SLC25A48: variants seen among roughly 807,000 people sequenced by gnomAD.
SLC25A48 encodes the protein CTC-321K16.1.
In SLC25A48, 29 loss-of-function variants were observed where a neutral mutation model predicts 32.2. The ratio of observed to expected loss-of-function variants is 0.90; its 90% confidence interval spans 0.67 to 1.23. The LOEUF (loss-of-function observed/expected upper bound fraction) is 1.23, where lower values mean the gene tolerates loss of function less well. SLC25A48 is among the 50% of genes most tolerant of loss of function. The probability of loss-of-function intolerance (pLI) is 0.00; values close to 1 mark genes in which losing one functional copy is unlikely to be tolerated. For synonymous variants in SLC25A48, 164 were observed against 172.3 expected, an observed-to-expected ratio of 0.95 and a Z score of 0.38; for missense variants, 399 against 422.7, an observed-to-expected ratio of 0.94 and a Z score of 0.49.
At chr5:135,604,436 G>A (rs1365211660) in intron 1 of SLC25A48, among the ~76,000 whole-genome samples, 1 of 152,160 alleles carries the variant, frequency 6.6e-6, no homozygotes, top group African/African-American at 2.4e-5. Flanking sequence ...TTTCCTGAAA[G>A]AATAAGTGGA....
rs1303213768 is a variant in SLC25A48, at chr5:135,871,525, G to A, written c.486G>A (p.Val162=). The part of the protein sequence containing the change: ...PAEQPAYQGP[V]HCITTIVRNE... ...AGCAGCCAGCATACCAGGGGCCAGT[G>A]CACTGCATTACAACCATTGTGAGGA... The change falls in exon 5 of 8, where the codon GTG becomes GTA. Residue 162 remains valine (V), a synonymous_variant. Transcript: ENST00000681962. 1.9e-6 allele frequency: 3 copies of A among 1,613,526 alleles called. No individual in the cohort carries two copies. The highest frequency in any genetic ancestry group is 2.5e-6 in the Non-Finnish European group (3 of 1,179,528).
chr5:135,874,219 G>A (rs1761878455), intron 6 of SLC25A48, 65 bp downstream of exon 6: 3 of 1,392,506 alleles, frequency 2.2e-6, no homozygotes, highest in Non-Finnish European at 2.8e-6. Context: ...ACATTTAGGG[G>A]GATGTGGGAC....
chr5:135,850,116 A>G (rs757918452), intron 2 of SLC25A48, among the ~76,000 whole-genome samples: 1 of 152,208 alleles, frequency 6.6e-6, no homozygotes, highest in Non-Finnish European at 1.5e-5. Flanking sequence ...GACAGACAGC[A>G]GATAGGGTAG....
intron 6 of SLC25A48, among the ~76,000 whole-genome samples, chr5:135,879,668 G>A (rs1762317063): frequency 1.3e-5 from 2 of 151,862 alleles, no homozygotes; most frequent in Admixed American, 6.6e-5. Flanking sequence ...AAGAAAGAGA[G>A]GGAGAGAGAG....
At chr5:135,829,473 G>A (rs775446220) in intron 4 of SLC25A48, among the ~76,000 whole-genome samples, 4 of 152,242 alleles carry the variant, frequency 2.6e-5, no homozygotes, top group Non-Finnish European at 4.4e-5. Context: ...ATATCGCCGC[G>A]GCCCAGAATT....
intron 7 of SLC25A48, 96 bp downstream of exon 7, chr5:135,880,193 C>A: frequency 6.9e-7 from 1 of 1,448,100 alleles, no homozygotes; most frequent in South Asian, 1.4e-5. Context: ...CTGAAATGTC[C>A]TGTTGTTTGT....
chr5:135,697,438 G>T (rs1318078555), intron 3 of SLC25A48, among the ~76,000 whole-genome samples: 1 of 152,214 alleles, frequency 6.6e-6, no homozygotes, highest in Non-Finnish European at 1.5e-5. Context: ...GTCAAGGGCT[G>T]TCTGAGAGCC....
chr5:135,779,676 C>G (rs1298442845), intron 3 of SLC25A48, among the ~76,000 whole-genome samples: 1 of 117,326 alleles, frequency 8.5e-6, no homozygotes, highest in Non-Finnish European at 2.1e-5. Flanking sequence ...GGATGTACAA[C>G]CACCCGGTAA....
At chr5:135,633,806 C>A (rs527447533) in intron 2 of SLC25A48, among the ~76,000 whole-genome samples, 11 of 152,148 alleles carry the variant, frequency 7.2e-5, no homozygotes, top group Non-Finnish European at 1.3e-4. Flanking sequence ...TTCCTTTCCT[C>A]TTCTTGCATC....
At chr5:135,796,843 T>C (rs964252798) in intron 3 of SLC25A48, among the ~76,000 whole-genome samples, 2 of 151,732 alleles carry the variant, frequency 1.3e-5, no homozygotes, top group Non-Finnish European at 2.9e-5. Context: ...ACCACTGTGA[T>C]ACTGTTCCTA....
chr5:135,662,696 C>T (rs1753432028), intron 3 of SLC25A48, among the ~76,000 whole-genome samples: 1 of 68,970 alleles, frequency 1.4e-5, no homozygotes, highest in Admixed American at 1.2e-4. Flanking sequence ...TTTGACCTGC[C>T]TCTCCCCCTC....
At chr5:135,799,914 GT>G (rs1554076052) in intron 3 of SLC25A48, among the ~76,000 whole-genome samples, 1 of 151,716 alleles carries the variant, frequency 6.6e-6, no homozygotes, top group Non-Finnish European at 1.5e-5. Context: ...ATCTCAGGGA[GT>G]TTACACTGCC....
intron 3 of SLC25A48, among the ~76,000 whole-genome samples, chr5:135,675,437 T>C (rs866449082): frequency 2.0e-5 from 3 of 152,018 alleles, no homozygotes; most frequent in Middle Eastern, 6.8e-3. Flanking sequence ...CCAATCTTCC[T>C]AGCATCATTT....
Position 135,629,230 on chromosome 5 carries a change from T to A in SLC25A48, c.-848-7T>A, listed in dbSNP as rs924015528. 7 of 152,196 alleles carry A rather than the reference T, an allele frequency of 4.6e-5. No individual in the cohort carries two copies. Among genetic ancestry groups the A allele is most frequent in the Non-Finnish European group, 8.8e-5 (6 of 68,030 alleles). The allele number at this position is 152,196 out of a possible 1,614,324, so 9.4% of individuals were successfully genotyped here. ...TAGCCTTTTTCTTTTTTCTTTTTCT[T>A]TTTTAGCAGCCCAGCTTAAAGAAAG... is the stretch of plus-strand genomic sequence containing the variant. On this transcript the variant is annotated splice_region_variant and splice_polypyrimidine_tract_variant and intron_variant, in intron 1 of 10. Transcript: ENST00000646290. This position sits in a 1 kb window ranked among gnomAD's most constrained non-coding sequence, Gnocchi z 4.8.
chr5:135,581,419 CA>C (rs1332175150), intron 1 of SLC25A48, among the ~76,000 whole-genome samples: 1 of 152,220 alleles, frequency 6.6e-6, no homozygotes, highest in Admixed American at 6.5e-5. Context: ...TAAGACTTTT[CA>C]TAGAAATTGC....
intron 4 of SLC25A48, among the ~76,000 whole-genome samples, chr5:135,863,095 G>A (rs1269805436): frequency 6.6e-6 from 1 of 152,126 alleles, no homozygotes; most frequent in African/African-American, 2.4e-5. Flanking sequence ...CAGATGCAGA[G>A]GCCCTGATGA....
At chr5:135,607,484 G>T (rs187269926) in intron 1 of SLC25A48, among the ~76,000 whole-genome samples, 2 of 152,184 alleles carry the variant, frequency 1.3e-5, no homozygotes, top group East Asian at 1.9e-4. Flanking sequence ...GTATAACAGC[G>T]AGGAAGACCG....
In SLC25A48 at chr5:135,654,105, A is replaced by C. The variant is rs538944425; in HGVS notation, c.-521+19149A>C. Among the ~76,000 whole-genome samples the C allele has an allele frequency of 5.9e-5, 9 of 152,340 alleles. No individual in the cohort carries two copies. The South Asian group carries it at 1.9e-3, about 32-fold the overall frequency. The stretch of plus-strand genomic sequence containing the variant: ...GACATTTTCAGCAGGAGAGACAAAA[A>C]TGGGCAACCGTCTAGGGAAAAGGAG... On this transcript the variant is annotated intron_variant, in intron 3 of 10. Transcript: ENST00000646290.
At chr5:135,682,568 A>T (rs1019829798) in intron 3 of SLC25A48, among the ~76,000 whole-genome samples, 13 of 152,252 alleles carry the variant, frequency 8.5e-5, no homozygotes, top group African/African-American at 2.9e-4. Context: ...AAAGAGAATT[A>T]ACTAATCACC....
Sources: gnomAD v4.1 joint callset for allele counts (sites outside exome capture counted in the v4.1 genomes callset) on GRCh38, gnomAD v4.1.1 for gene constraint, Gnocchi (gnomAD v3.1) non-coding constraint, MANE v1.5 for transcripts, NCBI Gene and HGNC (gene_info 2026-07-23, HGNC 2026-07-21) for gene names.